ZC3H3: variants seen among roughly 807,000 people sequenced by gnomAD.
The protein encoded by ZC3H3 is zinc finger CCCH domain-containing protein 3.
ZC3H3 carries 36 observed loss-of-function variants against 77.3 expected under a neutral mutation model. The observed-to-expected ratio is 0.47, with a 90% confidence interval of 0.36 to 0.61. The LOEUF is 0.61. Among genes scored for constraint, ZC3H3 ranks in the 20% least tolerant of loss-of-function variants. The pLI is 0.00. For synonymous variants in ZC3H3, 626 were observed against 555.2 expected, an observed-to-expected ratio of 1.13 and a Z score of -1.79; for missense variants, 1,331 against 1,312.2, an observed-to-expected ratio of 1.01 and a Z score of -0.22.
intron 3 of ZC3H3, among the ~76,000 whole-genome samples, chr8:143,518,063 G>A (rs891182003): frequency 6.6e-6 from 1 of 152,228 alleles, no homozygotes; most frequent in Non-Finnish European, 1.5e-5. Flanking sequence ...TGGTCCACAG[G>A]GCCCCCAGCC....
chr8:143,480,008 C>A (rs1820865320), intron 4 of ZC3H3, among the ~76,000 whole-genome samples: 1 of 152,220 alleles, frequency 6.6e-6, no homozygotes, highest in African/African-American at 2.4e-5. Context: ...CCAGGCCCTC[C>A]TGTCTCTGAA....
At chr8:143,483,595 C>T (rs1026797754) in intron 4 of ZC3H3, among the ~76,000 whole-genome samples, 5 of 152,158 alleles carry the variant, frequency 3.3e-5, no homozygotes, top group Non-Finnish European at 7.4e-5. Context: ...TAGGCGGGCT[C>T]CCGGCTCCTG....
At chr8:143,519,530 C>T (rs996554032) in intron 3 of ZC3H3, among the ~76,000 whole-genome samples, 9 of 152,198 alleles carry the variant, frequency 5.9e-5, no homozygotes, top group Admixed American at 5.9e-4. Context: ...GCCGCAGAAA[C>T]GGAGGCTCAG....
At chr8:143,500,621 C>A (rs1002726401) in intron 4 of ZC3H3, among the ~76,000 whole-genome samples, 1 of 152,202 alleles carries the variant, frequency 6.6e-6, no homozygotes, top group Non-Finnish European at 1.5e-5. Flanking sequence ...GAGCATGGTG[C>A]CGGCACCAGG....
rs565416690 is a variant in ZC3H3 at position 143,479,427 on chromosome 8, C to T, written c.1716-3842G>A. 2.0e-5 allele frequency among the ~76,000 whole-genome samples: 3 copies of T among 152,302 alleles called. No homozygotes were observed. The East Asian group carries it at 5.8e-4, about 29-fold the overall frequency. On this transcript the variant is annotated intron_variant, in intron 4 of 11. Coordinates refer to ENST00000262577, the MANE Select transcript of ZC3H3 (RefSeq NM_015117.3). ...GACCCGGAGCGCGCGTCTGCCCTCACGGAAGGCTCTGTAATTCCTTTTCCG... is the reference window on the plus strand; with the variant it reads ...GACCCGGAGCGCGCGTCTGCCCTCATGGAAGGCTCTGTAATTCCTTTTCCG...
chr8:143,480,973 C>A (rs11782442), intron 4 of ZC3H3, among the ~76,000 whole-genome samples: 1 of 152,116 alleles, frequency 6.6e-6, no homozygotes, highest in Non-Finnish European at 1.5e-5. Flanking sequence ...TGGTGGGACC[C>A]GAGGGTCCAG....
At chr8:143,508,608 T>C (rs1347199610) in intron 3 of ZC3H3, among the ~76,000 whole-genome samples, 1 of 152,200 alleles carries the variant, frequency 6.6e-6, no homozygotes, top group Non-Finnish European at 1.5e-5. Context: ...GCTTGCATCA[T>C]GTACAGCTCT....
At chr8:143,496,103 C>T (rs1295113524) in intron 4 of ZC3H3, among the ~76,000 whole-genome samples, 3 of 152,112 alleles carry the variant, frequency 2.0e-5, no homozygotes, top group Non-Finnish European at 4.4e-5. Flanking sequence ...GCAGGTGTCT[C>T]GTGGCTGGAG....
chr8:143,494,113 G>A lies in ZC3H3; in HGVS notation c.1715+13633C>T, dbSNP rs1274890547. Among the ~76,000 whole-genome samples the A allele has an allele frequency of 2.0e-5, 3 of 152,118 alleles. No individual in the cohort carries two copies. In the South Asian group the frequency reaches 6.2e-4, roughly 31 times the overall value. On this transcript the variant is annotated intron_variant, in intron 4 of 11. Transcript: ENST00000262577. This position sits in a 1 kb window ranked among gnomAD's most constrained non-coding sequence, Gnocchi z 5.3. ...GTGGGAGGGGAAGGGGAGCGCTGAGGGCCATCCCCACAGGCCTCCCCAGGG... is the reference window on the plus strand; with the variant it reads ...GTGGGAGGGGAAGGGGAGCGCTGAGAGCCATCCCCACAGGCCTCCCCAGGG...
rs1456871449 is a variant in ZC3H3, at chr8:143,539,036, G to C, written c.331C>G (p.Leu111Val). The C allele has an allele frequency of 6.2e-7, 1 of 1,612,946 alleles. No homozygotes were observed. Among genetic ancestry groups the C allele is most frequent in the Non-Finnish European group, 8.5e-7 (1 of 1,180,046 alleles). ...GQPPVPQQHV[L>V]ERQVQLSQGQ... ...TGACTGAGCTGGACCTGTCTCTCAA[G>C]GACATGCTGCTGCGGGACAGGAGGC... The change falls in exon 2 of 12, where the codon CTT becomes GTT. Residue 111 changes from leucine to valine, a missense_variant. By Grantham distance (32) the Leu-to-Val change is conservative. Around this residue, in one of 3 missense-constraint regions of ZC3H3, gnomAD observed 978 missense variants for 915.5 expected, o/e 1.07. Coordinates refer to ENST00000262577, the MANE Select transcript of ZC3H3 (RefSeq NM_015117.3).
At chr8:143,438,838 T>G (rs1465318545) in intron 11 of ZC3H3, among the ~76,000 whole-genome samples, 11 of 152,164 alleles carry the variant, frequency 7.2e-5, no homozygotes, top group Admixed American at 7.2e-4. Flanking sequence ...CATGCACAGC[T>G]GAGTCGGGCC....
intron 4 of ZC3H3, among the ~76,000 whole-genome samples, chr8:143,496,820 G>C (rs564432376): frequency 6.6e-6 from 1 of 152,376 alleles, no homozygotes; most frequent in East Asian, 1.9e-4. Context: ...GGCCACACCA[G>C]TGCTGCCATG....
rs138341617 is a variant in ZC3H3 at position 143,496,208 on chromosome 8, G to A, written c.1715+11538C>T. Among the ~76,000 whole-genome samples the A allele has an allele frequency of 5.6e-3, 860 of 152,256 alleles. 31 individuals carry two copies. Among genetic ancestry groups the A allele is most frequent in the Admixed American group, 0.051 (786 of 15,280 alleles). On this transcript the variant is annotated intron_variant, in intron 4 of 11. Coordinates refer to ENST00000262577, the MANE Select transcript of ZC3H3 (RefSeq NM_015117.3). ...AGGGTGCGGGTGTGCATGGGAGTGG[G>A]AGCAGACACTCAACGCCCTTGTTCT...
intron 4 of ZC3H3, among the ~76,000 whole-genome samples, chr8:143,489,875 G>A (rs1055449627): frequency 9.9e-5 from 15 of 152,174 alleles, no homozygotes; most frequent in African/African-American, 3.1e-4. Context: ...GGGAGTGGAC[G>A]GGGCAGCGGG....
At chr8:143,507,656 C>T in intron 4 of ZC3H3, 90 bp downstream of exon 4, 2 of 1,365,758 alleles carry the variant, frequency 1.5e-6, no homozygotes, top group Non-Finnish European at 1.9e-6. Flanking sequence ...TCAGCTCCCC[C>T]TGGCCCTTGG....
At chr8:143,483,465 C>G (rs1195506818) in intron 4 of ZC3H3, among the ~76,000 whole-genome samples, 1 of 152,154 alleles carries the variant, frequency 6.6e-6, no homozygotes, top group Non-Finnish European at 1.5e-5. Flanking sequence ...TGGACAGACA[C>G]TCACAGAATG....
intron 9 of ZC3H3, among the ~76,000 whole-genome samples, chr8:143,442,647 G>A (rs1332464710): frequency 6.6e-6 from 1 of 152,246 alleles, no homozygotes; most frequent in Non-Finnish European, 1.5e-5. Flanking sequence ...TGGATGCAGA[G>A]TGCCCGGCTG....
chr8:143,454,550 C>T (rs1236037738), intron 9 of ZC3H3, among the ~76,000 whole-genome samples: 1 of 151,854 alleles, frequency 6.6e-6, no homozygotes, highest in African/African-American at 2.4e-5. Flanking sequence ...GGACTACAGG[C>T]GCCTGCCACC....
chr8:143,515,528 C>G (rs939734032), intron 3 of ZC3H3, among the ~76,000 whole-genome samples: 4 of 152,278 alleles, frequency 2.6e-5, no homozygotes, highest in Admixed American at 2.0e-4. Flanking sequence ...ACGGGCCTCC[C>G]AGGCCCCTCC....
Sources: gnomAD v4.1 joint callset for allele counts (sites outside exome capture counted in the v4.1 genomes callset) on GRCh38, gnomAD v4.1.1 for gene constraint, gnomAD v4.1.1 regional missense constraint, Gnocchi (gnomAD v3.1) non-coding constraint, MANE v1.5 for transcripts, NCBI Gene and HGNC (gene_info 2026-07-23, HGNC 2026-07-21) for gene names.